RNF157: variants seen among roughly 807,000 people sequenced by gnomAD.
RNF157 encodes E3 ubiquitin ligase RNF157.
Under a neutral mutation model 88.3 loss-of-function variants are expected in RNF157, and 55 were observed. The ratio of observed to expected loss-of-function variants is 0.62; its 90% CI spans 0.50 to 0.78. The LOEUF (loss-of-function observed/expected upper bound fraction) is 0.78. Ranked by LOEUF, RNF157 falls within the 30% of genes least tolerant of loss-of-function variation. The pLI is 0.00. For missense variants in RNF157, 788 were observed against 860.8 expected, an observed-to-expected ratio of 0.92 and a Z score of 1.06; for synonymous variants, 334 against 341.2, an observed-to-expected ratio of 0.98 and a Z score of 0.23.
chr17:76,189,904 T>C (rs1234322385), intron 2 of RNF157, among the ~76,000 whole-genome samples: 5 of 152,090 alleles, frequency 3.3e-5, no homozygotes, highest in Non-Finnish European at 7.4e-5. Flanking sequence ...ATGGTGGTCA[T>C]AGGAACAGCC....
intron 1 of RNF157, 33 bp from the exon 2 acceptor site, chr17:76,212,515 G>C: frequency 3.9e-6 from 5 of 1,292,948 alleles, no homozygotes; most frequent in Non-Finnish European, 5.6e-6. Context: ...AATCAAACAA[G>C]CAGAAAACAG....
intron 3 of RNF157, among the ~76,000 whole-genome samples, chr17:76,169,579 GTTTTT>G (rs558817508): frequency 1.5e-5 from 2 of 133,512 alleles, no homozygotes; most frequent in African/African-American, 5.6e-5. Context: ...GCCTAGTTAG[GTTTTT>G]TTTTTTTTTT....
intron 2 of RNF157, among the ~76,000 whole-genome samples, chr17:76,180,671 C>T (rs1405027597): frequency 6.6e-6 from 1 of 152,118 alleles, no homozygotes; most frequent in South Asian, 2.1e-4. Flanking sequence ...GTGATCTTCT[C>T]GCCTCAGCTT....
intron 2 of RNF157, among the ~76,000 whole-genome samples, chr17:76,210,802 AC>A (rs1239503795): frequency 6.6e-6 from 1 of 151,822 alleles, no homozygotes; most frequent in Non-Finnish European, 1.5e-5. Flanking sequence ...CACAGCCGCC[AC>A]CTACCTTTCT....
chr17:76,227,978 G>A (rs2070122853), intron 1 of RNF157, among the ~76,000 whole-genome samples: 1 of 152,110 alleles, frequency 6.6e-6, no homozygotes, highest in South Asian at 2.1e-4. Context: ...CCCATTGAAT[G>A]TCCAGATTTA....
chr17:76,175,793 T>C, intron 2 of RNF157: 1 of 985,240 alleles, frequency 1.0e-6, no homozygotes, highest in Non-Finnish European at 1.2e-6. Flanking sequence ...TTCTTTACTC[T>C]TTCTCCTCCA....
chr17:76,209,812 T>G (rs1038121096), intron 2 of RNF157, among the ~76,000 whole-genome samples: 1 of 152,042 alleles, frequency 6.6e-6, no homozygotes, highest in Non-Finnish European at 1.5e-5. Flanking sequence ...CAGGCTGGAG[T>G]GCAGTGGAAT....
At chr17:76,196,038 G>A (rs73360621) in intron 2 of RNF157, among the ~76,000 whole-genome samples, 18,831 of 152,232 alleles carry the variant, frequency 0.12, 2,819 homozygotes, top group African/African-American at 0.36. Flanking sequence ...ATAATTAAAA[G>A]TGGGTATAAA....
intron 13 of RNF157, 106 bp downstream of exon 13, chr17:76,158,287 A>T: frequency 1.3e-6 from 1 of 763,044 alleles, no homozygotes; most frequent in Non-Finnish European, 2.3e-6. Flanking sequence ...GGTGCTGACA[A>T]GGTGTTTGAT....
intron 2 of RNF157, 43 bp from the exon 3 acceptor site, chr17:76,173,833 G>C (rs1337749877): frequency 1.3e-6 from 2 of 1,506,336 alleles, no homozygotes; most frequent in Admixed American, 3.5e-5. Flanking sequence ...TGTTTAAAAA[G>C]ACCCACAGCT....
chr17:76,198,944 C>T (rs974634147), intron 2 of RNF157, among the ~76,000 whole-genome samples: 3 of 152,202 alleles, frequency 2.0e-5, no homozygotes, highest in African/African-American at 7.2e-5. Flanking sequence ...TGTCTCTGTG[C>T]CTCTGCTCAT....
chr17:76,238,014 G>A (rs1391004759), intron 1 of RNF157, among the ~76,000 whole-genome samples: 1 of 151,432 alleles, frequency 6.6e-6, no homozygotes, highest in African/African-American at 2.4e-5. Flanking sequence ...AACCCTAGAG[G>A]CAGAGGTTGC....
At chr17:76,156,454 A>G in intron 13 of RNF157, 133 bp from the exon 14 acceptor site, 3 of 1,471,382 alleles carry the variant, frequency 2.0e-6, no homozygotes, top group South Asian at 2.7e-5. Context: ...AGTGGCATGC[A>G]GAGGCCGCAG....
chr17:76,155,398 G>A, intron 15 of RNF157, 81 bp from the exon 16 acceptor site: 1 of 1,498,390 alleles, frequency 6.7e-7, no homozygotes, highest in African/African-American at 1.4e-5. Flanking sequence ...GAACAAAATT[G>A]GTGTCAAATA....
chr17:76,188,121 G>C (rs1272917250), intron 2 of RNF157, among the ~76,000 whole-genome samples: 1 of 152,188 alleles, frequency 6.6e-6, no homozygotes, highest in Non-Finnish European at 1.5e-5. Flanking sequence ...TTTTATGAAA[G>C]TCTAAACTCA....
chr17:76,200,255 A>C lies in RNF157; in HGVS notation c.207+12109T>G, dbSNP rs184279328. ...GGACTCCGTCTTGTCAAAAAAAAAA[A>C]CAAAAACAAAAACCAAAAAAAACCG... On this transcript the variant is annotated intron_variant, in intron 2 of 18. Coordinates refer to ENST00000269391, the MANE Select transcript of RNF157 (RefSeq NM_052916.3). Among the ~76,000 whole-genome samples, 235 of 152,180 alleles carry C rather than the reference A, an allele frequency of 1.5e-3. 3 individuals carry two copies. In the East Asian group the frequency reaches 0.043, roughly 28 times the overall value.
chr17:76,190,331 T>C (rs2069363842), intron 2 of RNF157, among the ~76,000 whole-genome samples: 1 of 152,022 alleles, frequency 6.6e-6, no homozygotes, highest in South Asian at 2.1e-4. Flanking sequence ...CATACCCAGC[T>C]AATTTTTATA....
chr17:76,181,839 C>T (rs1372608130), intron 2 of RNF157, among the ~76,000 whole-genome samples: 3 of 143,508 alleles, frequency 2.1e-5, no homozygotes, highest in Non-Finnish European at 4.5e-5. Context: ...ACCCAGGAGG[C>T]AGAGGTTGCA....
At chr17:76,234,385 G>A (rs1290950300) in intron 1 of RNF157, among the ~76,000 whole-genome samples, 5 of 151,996 alleles carry the variant, frequency 3.3e-5, no homozygotes, top group South Asian at 2.1e-4. Context: ...TTTCTTGAGC[G>A]TATACCTAGG....
Sources: allele counts gnomAD v4.1 joint callset (sites outside exome capture counted in the v4.1 genomes callset), GRCh38; gene constraint gnomAD v4.1.1; transcripts MANE v1.5; gene names NCBI Gene and HGNC (gene_info 2026-07-23, HGNC 2026-07-21).